MARCHF10: variants seen among roughly 807,000 people sequenced by gnomAD.
The protein encoded by MARCHF10 is membrane associated ring-CH-type finger 10, also known as probable E3 ubiquitin-protein ligase MARCHF10.
A neutral mutation model predicts 76.2 loss-of-function variants in MARCHF10; 64 were observed. The observed-to-expected ratio is 0.84, with a 90% CI of 0.69 to 1.03. MARCHF10 has a LOEUF of 1.03. MARCHF10 is among the 50% of genes least tolerant of loss of function. The probability of loss-of-function intolerance (pLI) is 0.00; values close to 1 mark genes in which losing one functional copy is unlikely to be tolerated. For synonymous variants in MARCHF10, 340 were observed against 357.5 expected (o/e 0.95, Z 0.55); for missense variants, 875 against 958.0 (o/e 0.91, Z 1.14).
chr17:62,777,326 A>G lies in MARCHF10; in HGVS notation c.210+11154T>C, dbSNP rs548331469. Among the ~76,000 whole-genome samples, 15 of 152,352 alleles carry G rather than the reference A, an allele frequency of 9.8e-5. No individual in the cohort carries two copies. In the South Asian group the frequency reaches 3.1e-3, roughly 32 times the overall value. On this transcript the variant is annotated intron_variant, in intron 3 of 10. Coordinates refer to ENST00000311269, the MANE Select transcript of MARCHF10 (RefSeq NM_152598.4). ...TGTGCCATGTCAGTTTACCATTGCCATGGCAACACCTGGGAGTTAACACTC... is the reference window on the plus strand; with the variant it reads ...TGTGCCATGTCAGTTTACCATTGCCGTGGCAACACCTGGGAGTTAACACTC...
chr17:62,707,538 C>A (rs1277279860), intron 9 of MARCHF10: 1 of 152,286 alleles, frequency 6.6e-6, no homozygotes, highest in Non-Finnish European at 1.5e-5. Flanking sequence ...CTGCAAAGGG[C>A]ACAATCTGAT....
At chr17:62,775,066 AAAAAC>A (rs1424723825) in intron 3 of MARCHF10, among the ~76,000 whole-genome samples, 3 of 151,910 alleles carry the variant, frequency 2.0e-5, no homozygotes, top group Non-Finnish European at 4.4e-5. Flanking sequence ...ACAAAAAAGA[AAAAAC>A]AAAAACAAAC....
intron 3 of MARCHF10, among the ~76,000 whole-genome samples, chr17:62,773,945 A>G (rs1483273312): frequency 1.3e-5 from 2 of 152,172 alleles, no homozygotes; most frequent in East Asian, 3.8e-4. Context: ...GATGGGTGGG[A>G]TTTCACCAGA....
intron 9 of MARCHF10, among the ~76,000 whole-genome samples, chr17:62,705,982 C>A (rs1164052708): frequency 6.6e-6 from 1 of 152,208 alleles, no homozygotes. Context: ...ATTCTCTGCG[C>A]GGCAGGAAGC....
In MARCHF10 at chr17:62,788,533, G is replaced by T. The variant is rs201414224; in HGVS notation, c.157C>A (p.Gln53Lys). Residue 53 changes from glutamine (Q) to lysine (K), a missense_variant, in exon 3 of 11, where the codon CAA (glutamine) becomes AAA (lysine). Physicochemically the swap from Gln to Lys is moderately conservative, Grantham distance 53. Transcript: ENST00000311269. ...CGGGATCTCTCAAAACTTGTCTCTT[G>T]CCCCCAAAACTGATCGCGTTTCTTC... ...NEKKRDQFWGQETSFERSRFS... is the reference protein window; with the variant it reads ...NEKKRDQFWGKETSFERSRFS... 263 of 1,614,048 alleles carry T rather than the reference G, an allele frequency of 1.6e-4. 4 individuals are homozygous for T. In the East Asian group the frequency reaches 5.8e-3, roughly 36 times the overall value.
intron 4 of MARCHF10, among the ~76,000 whole-genome samples, chr17:62,755,140 G>A (rs2092003638): frequency 6.6e-6 from 1 of 152,176 alleles, no homozygotes; most frequent in Non-Finnish European, 1.5e-5. Context: ...TAAGAAGTGA[G>A]GATAATTTCA....
At chr17:62,802,322 C>T (rs543822165) in intron 1 of MARCHF10, among the ~76,000 whole-genome samples, 4 of 152,206 alleles carry the variant, frequency 2.6e-5, no homozygotes, top group East Asian at 1.9e-4. Flanking sequence ...CGGGTTCAAG[C>T]GATTCTCTTG....
intron 6 of MARCHF10, among the ~76,000 whole-genome samples, chr17:62,727,448 G>A (rs1032172990): frequency 1.1e-4 from 16 of 152,042 alleles, no homozygotes; most frequent in African/African-American, 3.9e-4. Flanking sequence ...GCAGGAGGAT[G>A]GCTTGAGCTC....
At chr17:62,704,426 T>C (rs1176043658) in intron 10 of MARCHF10, among the ~76,000 whole-genome samples, 3 of 152,116 alleles carry the variant, frequency 2.0e-5, no homozygotes, top group East Asian at 1.9e-4. Context: ...CGGGCTCCTT[T>C]TGTGGAAAAG....
chr17:62,712,689 C>A lies in MARCHF10; in HGVS notation c.2215-1345G>T, dbSNP rs183837024. Among the ~76,000 whole-genome samples the A allele has an allele frequency of 2.9e-4, 44 of 152,332 alleles. No homozygotes were observed. The highest frequency in any genetic ancestry group is 2.5e-3 in the Admixed American group (39 of 15,296). On this transcript the variant is annotated intron_variant, in intron 8 of 10. Transcript: ENST00000311269. This position sits in a 1 kb window ranked among gnomAD's most constrained non-coding sequence, Gnocchi z 4.2. ...CTTTGGTCGTGTTTTTTGTGCTCTG[C>A]TGACCTTGGCCTAGAGTGAGTAGAG...
In MARCHF10 at chr17:62,788,605, G is replaced by A. The variant is rs1555715957; in HGVS notation, c.91-6C>T. On this transcript the variant is annotated splice_region_variant and splice_polypyrimidine_tract_variant and intron_variant, in intron 2 of 10. Transcript: ENST00000311269. ...TCCTGTCGTCTCAGACAAGCCTGAA[G>A]AACAACAACAATAAAATGTTTGTCT... is the stretch of plus-strand genomic sequence containing the variant. 5 of 1,613,940 alleles carry A rather than the reference G, an allele frequency of 3.1e-6. No homozygotes were observed. In the Admixed American group the frequency reaches 8.3e-5, roughly 27 times the overall value.
At chr17:62,702,184 A>G (rs545555174) in intron 10 of MARCHF10, among the ~76,000 whole-genome samples, 14 of 151,970 alleles carry the variant, frequency 9.2e-5, no homozygotes, top group Non-Finnish European at 1.9e-4. Context: ...GCAGAGGGAC[A>G]AGTGATAGGA....
intron 3 of MARCHF10, among the ~76,000 whole-genome samples, chr17:62,774,868 A>G (rs1042882272): frequency 6.6e-6 from 1 of 152,024 alleles, no homozygotes; most frequent in East Asian, 2.0e-4. Flanking sequence ...AGCCTGGCCA[A>G]GATGGTGAAC....
intron 8 of MARCHF10, among the ~76,000 whole-genome samples, chr17:62,715,374 ATTTG>A (rs2090141627): frequency 6.6e-6 from 1 of 152,212 alleles, no homozygotes; most frequent in Admixed American, 6.5e-5. Flanking sequence ...GATTACCATC[ATTTG>A]TTGTCTGCCT....
chr17:62,787,664 G>A (rs933634250), intron 3 of MARCHF10, among the ~76,000 whole-genome samples: 1 of 152,048 alleles, frequency 6.6e-6, no homozygotes, highest in Non-Finnish European at 1.5e-5. Context: ...TCTCTACCAC[G>A]CACTGGCTGT....
intron 5 of MARCHF10, among the ~76,000 whole-genome samples, chr17:62,740,073 T>C (rs1568142032): frequency 7.3e-5 from 10 of 136,768 alleles, no homozygotes; most frequent in South Asian, 2.4e-4. Flanking sequence ...TGTGTGTGTG[T>C]GTGTGTGTGC....
At chr17:62,715,155 G>A (rs1214917463) in intron 8 of MARCHF10, among the ~76,000 whole-genome samples, 1 of 152,196 alleles carries the variant, frequency 6.6e-6, no homozygotes, top group Non-Finnish European at 1.5e-5. Flanking sequence ...TCCTGGTTTG[G>A]GGACCACCCA....
At chr17:62,750,885 G>A (rs184401118) in intron 4 of MARCHF10, among the ~76,000 whole-genome samples, 50 of 152,334 alleles carry the variant, frequency 3.3e-4, no homozygotes, top group African/African-American at 1.2e-3. Flanking sequence ...AGCTGTGCTG[G>A]TAGCAACAGA....
At chr17:62,741,358 A>C (rs73992044) in intron 5 of MARCHF10, among the ~76,000 whole-genome samples, 7,824 of 152,292 alleles carry the variant, frequency 0.051, 377 homozygotes, top group African/African-American at 0.12. Context: ...CTAGGTCAAA[A>C]GGTATGAACT....
Sources: allele counts gnomAD v4.1 joint callset (sites outside exome capture counted in the v4.1 genomes callset), GRCh38; gene constraint gnomAD v4.1.1; non-coding constraint Gnocchi (gnomAD v3.1); transcripts MANE v1.5; gene names NCBI Gene and HGNC (gene_info 2026-07-23, HGNC 2026-07-21).